SPAST: variants seen among roughly 807,000 people sequenced by gnomAD.
SPAST encodes spastin, also known as spastic paraplegia 4 (autosomal dominant; spastin).
SPAST carries 30 observed loss-of-function variants against 76.6 expected under a neutral mutation model. The observed-to-expected ratio is 0.39, with a 90% CI of 0.29 to 0.53. The LOEUF (loss-of-function observed/expected upper bound fraction) is 0.53. Ranked by LOEUF, SPAST falls within the 20% of genes least tolerant of loss-of-function variation. The pLI is 0.68. For missense variants in SPAST, 717 were observed against 770.5 expected (o/e 0.93, Z 0.82); for synonymous variants, 305 against 281.0 (o/e 1.09, Z -0.86).
At chr2:32,076,978 C>T (rs554817680) in intron 1 of SPAST, among the ~76,000 whole-genome samples, 4 of 151,922 alleles carry the variant, frequency 2.6e-5, no homozygotes, top group East Asian at 1.9e-4. Flanking sequence ...CAGGTTCAAA[C>T]GATTCTCCTG....
chr2:32,149,202 G>A (rs1245857222), intron 16 of SPAST, among the ~76,000 whole-genome samples: 1 of 150,864 alleles, frequency 6.6e-6, no homozygotes, highest in Non-Finnish European at 1.5e-5. Context: ...CGATTCTCCT[G>A]CCTCAGCCTC....
chr2:32,066,940 C>T (rs548819174), intron 1 of SPAST, among the ~76,000 whole-genome samples: 43 of 124,910 alleles, frequency 3.4e-4, no homozygotes, highest in Non-Finnish European at 5.6e-4. Flanking sequence ...TGCAACTGCA[C>T]TCCGAACTGG....
At chr2:32,109,909 T>TATATAGTTACATATGTATATGCATACAC (rs1233340623) in intron 4 of SPAST, among the ~76,000 whole-genome samples, 4 of 148,700 alleles carry the variant, frequency 2.7e-5, no homozygotes, top group African/African-American at 7.4e-5. Context: ...TGCATACACA[T>TATATAGTTACATATGTATATGCATACAC]ATATAGTTAC....
chr2:32,097,860 C>T (rs1677979430), intron 3 of SPAST, among the ~76,000 whole-genome samples: 1 of 151,680 alleles, frequency 6.6e-6, no homozygotes, highest in African/African-American at 2.4e-5. Context: ...CGCCCGGATA[C>T]TTTTTTGTTT....
intron 1 of SPAST, among the ~76,000 whole-genome samples, chr2:32,078,276 A>C (rs1677055669): frequency 6.6e-6 from 1 of 152,104 alleles, no homozygotes; most frequent in Non-Finnish European, 1.5e-5. Flanking sequence ...GGTTCAAGTG[A>C]TTGTCGTGCC....
At chr2:32,114,592 C>G (rs1455566626) in intron 4 of SPAST, 46 bp from the exon 5 acceptor site, 1 of 1,456,984 alleles carries the variant, frequency 6.9e-7, no homozygotes, top group Non-Finnish European at 9.6e-7. Context: ...TCTTTATGTT[C>G]AGCTACAATT....
intron 4 of SPAST, among the ~76,000 whole-genome samples, chr2:32,111,428 G>GTA (rs920665182): frequency 2.1e-4 from 31 of 146,494 alleles, no homozygotes; most frequent in Admixed American, 6.4e-4. Context: ...AGTGTATAGA[G>GTA]TATATATATA....
At chr2:32,077,557 C>T (rs964854745) in intron 1 of SPAST, among the ~76,000 whole-genome samples, 6 of 152,074 alleles carry the variant, frequency 3.9e-5, no homozygotes, top group East Asian at 3.9e-4. Context: ...AGGAGTTTGA[C>T]GCCCAGACAG....
intron 4 of SPAST, among the ~76,000 whole-genome samples, chr2:32,111,970 T>TTAGTAGTGG (rs1311172564): frequency 4.2e-5 from 6 of 141,270 alleles, no homozygotes; most frequent in Non-Finnish European, 9.1e-5. Context: ...TATAATTAAG[T>TTAGTAGTGG]TAGTAGTAGT....
chr2:32,064,276 G>A (rs1676419634), intron 1 of SPAST, 30 bp downstream of exon 1: 3 of 1,493,662 alleles, frequency 2.0e-6, no homozygotes, highest in Non-Finnish European at 2.7e-6. Flanking sequence ...AGGGGGCGGC[G>A]GCGCCGGGAA....
intron 9 of SPAST, chr2:32,128,912 A>G (rs890414475): frequency 3.2e-5 from 7 of 221,694 alleles, no homozygotes; most frequent in African/African-American, 1.4e-4. Context: ...CTCTGTCTTT[A>G]TCTTTATGTG....
At chr2:32,142,261 A>G (rs1446495963) in intron 13 of SPAST, among the ~76,000 whole-genome samples, 3 of 152,190 alleles carry the variant, frequency 2.0e-5, no homozygotes, top group Non-Finnish European at 4.4e-5. Flanking sequence ...TATTCATTTA[A>G]TGGATACTGT....
chr2:32,149,994 A>T (rs1680021806), intron 16 of SPAST, among the ~76,000 whole-genome samples: 1 of 149,714 alleles, frequency 6.7e-6, no homozygotes. Context: ...TTTTTTTTTC[A>T]GGCTTTTATT....
At chr2:32,111,162 GTATA>G (rs1317921698) in intron 4 of SPAST, among the ~76,000 whole-genome samples, 5 of 120,896 alleles carry the variant, frequency 4.1e-5, no homozygotes, top group South Asian at 2.6e-4. Context: ...TGTGTATAGA[GTATA>G]TATACAGTAT....
intron 16 of SPAST, among the ~76,000 whole-genome samples, chr2:32,149,180 C>G (rs1454981980): frequency 6.6e-6 from 1 of 151,628 alleles, no homozygotes; most frequent in Non-Finnish European, 1.5e-5. Flanking sequence ...GCCTCCACCT[C>G]CCAGGTTCAA....
intron 4 of SPAST, among the ~76,000 whole-genome samples, chr2:32,099,394 T>G (rs1678036015): frequency 6.6e-6 from 1 of 152,228 alleles, no homozygotes; most frequent in Admixed American, 6.5e-5. Flanking sequence ...TGCTATGGAT[T>G]AACTCTATCC....
Position 32,063,997 on chromosome 2 carries a change from C to G in SPAST, c.166C>G (p.Pro56Ala). 5 of 1,613,498 alleles carry G rather than the reference C, an allele frequency of 3.1e-6. No individual in the cohort carries two copies. The highest frequency in any genetic ancestry group is 4.2e-6 in the Non-Finnish European group (5 of 1,179,588). Residue 56 changes from proline to alanine, a missense_variant, in exon 1 of 17, where the codon CCG becomes GCG. By Grantham distance (27) the Pro-to-Ala change is conservative (BLOSUM62 -1). This residue lies in a region of SPAST where 543 missense variants were observed against 445.2 expected (regional missense o/e 1.22). Transcript: ENST00000315285. ...GCGGAACCTGTACTATTTCTCCTAC[C>G]CGCTGTTTGTAGGCTTCGCGCTGCT... ...HKRNLYYFSY[P>A]LFVGFALLRL...
chr2:32,141,539 T>C (rs1273588536), intron 12 of SPAST, among the ~76,000 whole-genome samples: 2 of 152,238 alleles, frequency 1.3e-5, no homozygotes, highest in East Asian at 3.8e-4. Flanking sequence ...GTATTTTAGT[T>C]CCATAAATGT....
rs1679570507 is a variant in SPAST at position 32,137,222 on chromosome 2, T to C, written c.1493+34T>C. The stretch of plus-strand genomic sequence containing the variant: ...ATTTATATGGAAATACATGCATTTA[T>C]TACAGACAATATTTACTCATGTGTC... On this transcript the variant is annotated intron_variant, in intron 12 of 16. Coordinates refer to ENST00000315285, the MANE Select transcript of SPAST (RefSeq NM_014946.4). 4 of 1,414,404 alleles carry C rather than the reference T, an allele frequency of 2.8e-6. No homozygotes were observed. In the African/African-American group the frequency reaches 5.6e-5, roughly 20 times the overall value. 87.6% of individuals were successfully genotyped at this position (1,414,404 alleles called of 1,614,324 possible).
Sources: allele counts gnomAD v4.1 joint callset (sites outside exome capture counted in the v4.1 genomes callset), GRCh38; gene constraint gnomAD v4.1.1; regional missense constraint gnomAD v4.1.1; transcripts MANE v1.5; gene names NCBI Gene and HGNC (gene_info 2026-07-23, HGNC 2026-07-21).